The following RBFOX1 variants were observed in gnomAD, a reference collection of about 807,000 sequenced individuals.
RBFOX1 encodes RNA binding fox-1 homolog 1.
In RBFOX1, 8 loss-of-function variants were observed where a neutral mutation model predicts 57.7. The ratio of observed to expected loss-of-function variants is 0.14; its 90% CI spans 0.08 to 0.25. RBFOX1 has a LOEUF of 0.25. Ranked by LOEUF, RBFOX1 falls within the 10% of genes least tolerant of loss-of-function variation. The probability of loss-of-function intolerance (pLI) is 1.00; values close to 1 mark genes in which losing one functional copy is unlikely to be tolerated. For synonymous variants in RBFOX1, 326 were observed against 222.4 expected (o/e 1.47, Z -4.15); for missense variants, 611 against 548.5 (o/e 1.11, Z -1.14).
At chr16:5,318,894 A>G (rs2064318337) in intron 1 of RBFOX1, among the ~76,000 whole-genome samples, 1 of 152,152 alleles carries the variant, frequency 6.6e-6, no homozygotes, top group South Asian at 2.1e-4. Flanking sequence ...GCACTTTGGG[A>G]GGCTGAGGCG....
At chr16:7,333,164 G>A (rs1469542188) in intron 4 of RBFOX1, 2 of 1,383,230 alleles carry the variant, frequency 1.4e-6, no homozygotes, top group Admixed American at 1.7e-5. Context: ...TTATGGTTGA[G>A]AAAGCAAACA....
chr16:6,518,659 C>T (rs2096432373), intron 2 of RBFOX1, among the ~76,000 whole-genome samples: 1 of 152,066 alleles, frequency 6.6e-6, no homozygotes, highest in Non-Finnish European at 1.5e-5. Flanking sequence ...CCTTAAGGGC[C>T]ACCCGGAGTA....
chr16:6,742,334 A>T (rs1292569651), intron 3 of RBFOX1, among the ~76,000 whole-genome samples: 1 of 152,218 alleles, frequency 6.6e-6, no homozygotes, highest in Non-Finnish European at 1.5e-5. Context: ...GAAACTATCA[A>T]ATATTTACAA....
intron 3 of RBFOX1, among the ~76,000 whole-genome samples, chr16:5,733,821 G>A (rs535859674): frequency 2.1e-4 from 32 of 149,774 alleles, no homozygotes; most frequent in African/African-American, 5.2e-4. Context: ...TCCCATCCGC[G>A]TCCATGCTGA....
At chr16:7,471,641 C>T (rs2061572259) in intron 4 of RBFOX1, among the ~76,000 whole-genome samples, 1 of 152,162 alleles carries the variant, frequency 6.6e-6, no homozygotes, top group Admixed American at 6.5e-5. Flanking sequence ...ATGAGCTATG[C>T]ACATTAGATC....
intron 2 of RBFOX1, among the ~76,000 whole-genome samples, chr16:6,616,704 G>A (rs567729613): frequency 1.1e-3 from 171 of 152,264 alleles, no homozygotes; most frequent in African/African-American, 3.7e-3. Context: ...CAAAGTTCTG[G>A]GATTGCAGGC....
At chr16:6,108,713 G>C (rs939552551) in intron 1 of RBFOX1, among the ~76,000 whole-genome samples, 1 of 152,074 alleles carries the variant, frequency 6.6e-6, no homozygotes, top group African/African-American at 2.4e-5. Context: ...CAAGGTCCTG[G>C]GGGAGTGTCT....
intron 2 of RBFOX1, among the ~76,000 whole-genome samples, chr16:6,335,782 A>T (rs1222310721): frequency 2.0e-5 from 3 of 148,830 alleles, no homozygotes; most frequent in South Asian, 2.1e-4. Context: ...TCTCCAAAAA[A>T]AAAAAAAAGA....
chr16:7,442,972 C>G (rs1002774258), intron 4 of RBFOX1, among the ~76,000 whole-genome samples: 1 of 152,168 alleles, frequency 6.6e-6, no homozygotes, highest in Non-Finnish European at 1.5e-5. Context: ...GGATTTATAC[C>G]TTTCTCCCAT....
At chr16:7,491,769 C>G (rs780111913) in intron 4 of RBFOX1, among the ~76,000 whole-genome samples, 9 of 151,946 alleles carry the variant, frequency 5.9e-5, no homozygotes, top group African/African-American at 2.2e-4. Context: ...TAGCTAGGAC[C>G]GCAGGCACAT....
At chr16:6,118,264 T>C (rs2096518863) in intron 1 of RBFOX1, among the ~76,000 whole-genome samples, 1 of 152,208 alleles carries the variant, frequency 6.6e-6, no homozygotes, top group Admixed American at 6.5e-5. Context: ...TCCACATTGT[T>C]TTTAGTTGCC....
intron 4 of RBFOX1, among the ~76,000 whole-genome samples, chr16:7,469,096 G>C (rs1362806350): frequency 1.3e-5 from 2 of 152,070 alleles, no homozygotes; most frequent in African/African-American, 4.8e-5. Context: ...ACCATGCCCG[G>C]CTAATTTTTT....
intron 2 of RBFOX1, among the ~76,000 whole-genome samples, chr16:6,392,025 G>T (rs540628892): frequency 1.3e-5 from 2 of 152,316 alleles, no homozygotes; most frequent in African/African-American, 2.4e-5. Context: ...AGGAGCTCAG[G>T]TTCCTGGTCT....
At chr16:6,407,069 C>A (rs12598134) in intron 2 of RBFOX1, among the ~76,000 whole-genome samples, 22 of 152,214 alleles carry the variant, frequency 1.4e-4, no homozygotes, top group African/African-American at 5.3e-4. Context: ...CATGGTGTTA[C>A]GGTTGAATAT....
intron 3 of RBFOX1, among the ~76,000 whole-genome samples, chr16:6,808,363 C>G (rs905682556): frequency 2.6e-5 from 4 of 152,018 alleles, no homozygotes; most frequent in East Asian, 1.9e-4. Flanking sequence ...GCACCCTTGT[C>G]ACTCCCTTCA....
At position 7,231,826 on chromosome 16, in the gene RBFOX1, C is replaced by T. The variant is rs188849757; in HGVS notation, c.27+179728C>T. 3.1e-3 allele frequency among the ~76,000 whole-genome samples: 478 copies of T among 152,246 alleles called. 1 individual carries two copies. Among genetic ancestry groups the T allele is most frequent in the Non-Finnish European group, 4.8e-3 (329 of 68,022 alleles). ...AAAAGACCACAGATTATGTGATTTC[C>T]TTCACCTGAAATATCTGGAGTAGGT... On this transcript the variant is annotated intron_variant, in intron 4 of 15. Transcript: ENST00000550418.
chr16:6,890,082 G>T (rs1017536573), intron 3 of RBFOX1, among the ~76,000 whole-genome samples: 1 of 152,174 alleles, frequency 6.6e-6, no homozygotes, highest in Non-Finnish European at 1.5e-5. Context: ...AAAGTAAAAT[G>T]TGTTTAGCAC....
At chr16:6,121,312 C>G (rs1278072833) in intron 1 of RBFOX1, among the ~76,000 whole-genome samples, 3 of 152,160 alleles carry the variant, frequency 2.0e-5, no homozygotes, top group Non-Finnish European at 4.4e-5. Flanking sequence ...GTATTCTTTA[C>G]AAGGTGCCCC....
intron 4 of RBFOX1, among the ~76,000 whole-genome samples, chr16:7,504,747 ATATATATT>A (rs1167051631): frequency 1.9e-3 from 23 of 12,370 alleles, no homozygotes; most frequent in Admixed American, 3.3e-3. Context: ...ATATATATAT[ATATATATT>A]TATATATATA....
Sources: gnomAD v4.1 joint callset for allele counts (sites outside exome capture counted in the v4.1 genomes callset) on GRCh38, gnomAD v4.1.1 for gene constraint, MANE v1.5 for transcripts, NCBI Gene and HGNC (gene_info 2026-07-23, HGNC 2026-07-21) for gene names.